Variants in PRKCH observed in about 807,000 individuals in gnomAD.
PRKCH encodes the protein protein kinase C eta.
A neutral mutation model predicts 82.5 loss-of-function variants in PRKCH; 28 were observed. The ratio of observed to expected loss-of-function variants is 0.34; its 90% CI spans 0.25 to 0.47. The LOEUF (loss-of-function observed/expected upper bound fraction) is 0.47, where lower values mean the gene tolerates loss of function less well. Among genes scored for constraint, PRKCH ranks in the 20% least tolerant of loss-of-function variants. PRKCH has a pLI of 1.00. For missense variants in PRKCH, 705 were observed against 881.8 expected, an observed-to-expected ratio of 0.80 and a Z score of 2.54; for synonymous variants, 322 against 327.4, an observed-to-expected ratio of 0.98 and a Z score of 0.18.
rs188394556 is a variant in PRKCH at position 61,262,101 on chromosome 14, A to G, written c.-19+74433A>G. Among the ~76,000 whole-genome samples the G allele has an allele frequency of 4.8e-3, 733 of 151,652 alleles. 3 individuals carry two copies. The highest frequency in any genetic ancestry group is 0.017 in the African/African-American group (696 of 41,330). ...CTGGGCGTAGTGGTGGGCACCTTTA[A>G]TCCCAGCTACTTGGGAGGCGGAGGC... On this transcript the variant is annotated intron_variant, in intron 1 of 3. Coordinates refer to the PRKCH transcript ENST00000555185.
intron 1 of PRKCH, among the ~76,000 whole-genome samples, chr14:61,252,560 TGA>T (rs1485086361): frequency 1.3e-5 from 2 of 152,198 alleles, no homozygotes; most frequent in African/African-American, 2.4e-5. Flanking sequence ...GATATCTGGC[TGA>T]GAGTGGCCTG....
At position 61,195,909 on chromosome 14, in the gene PRKCH, T is replaced by TG. The variant is rs2044438537; in HGVS notation, c.-19+8246dup. ...CTTAATTACTTCTGTAGAAGCACCC[T>TG]GGGGGTTAGGGCTTCGGCATATAAA... On this transcript the variant is annotated intron_variant, in intron 1 of 3. Transcript: ENST00000555185. 5.3e-5 allele frequency among the ~76,000 whole-genome samples: 8 copies of TG among 152,256 alleles called. No homozygotes were observed. The South Asian group carries it at 1.7e-3, about 32-fold the overall frequency.
At chr14:61,217,020 A>G (rs890159493) in intron 1 of PRKCH, among the ~76,000 whole-genome samples, 1 of 151,926 alleles carries the variant, frequency 6.6e-6, no homozygotes, top group Admixed American at 6.6e-5. Context: ...ATACATTTGT[A>G]AAAATTCATC....
At chr14:61,221,051 T>G (rs2044652250) in intron 1 of PRKCH, among the ~76,000 whole-genome samples, 1 of 152,146 alleles carries the variant, frequency 6.6e-6, no homozygotes, top group South Asian at 2.1e-4. Flanking sequence ...AGGTCATTTT[T>G]TAAAAAAATG....
chr14:61,218,015 A>T (rs1448907313), intron 1 of PRKCH, among the ~76,000 whole-genome samples: 4 of 152,164 alleles, frequency 2.6e-5, no homozygotes, highest in Admixed American at 1.3e-4. Context: ...GTTCATGGTC[A>T]GTAGACATGA....
Position 61,357,637 on chromosome 14 carries a change from G to T in PRKCH, c.364-33588G>T, listed in dbSNP as rs542489160. 4.6e-5 allele frequency among the ~76,000 whole-genome samples: 7 copies of T among 152,280 alleles called. No individual in the cohort carries two copies. In the East Asian group the frequency reaches 1.4e-3, roughly 29 times the overall value. ...ATGACTTACCTATTTGTCAACTCCA[G>T]TGGACACGCTATAGTCCTTATCTTT... is the stretch of plus-strand genomic sequence containing the variant. On this transcript the variant is annotated intron_variant, in intron 1 of 13. Transcript: ENST00000332981.
At chr14:61,436,207 G>A (rs941866559) in intron 2 of PRKCH, among the ~76,000 whole-genome samples, 3 of 152,164 alleles carry the variant, frequency 2.0e-5, no homozygotes, top group Non-Finnish European at 2.9e-5. Flanking sequence ...CTCAGCTTGC[G>A]TGGATGCTAT....
At chr14:61,540,293 C>T (rs760833131) in intron 12 of PRKCH, among the ~76,000 whole-genome samples, 2 of 152,202 alleles carry the variant, frequency 1.3e-5, no homozygotes, top group South Asian at 2.1e-4. Flanking sequence ...ACACAGAGTG[C>T]GTGAATTCTC....
intron 1 of PRKCH, among the ~76,000 whole-genome samples, chr14:61,191,295 A>G (rs2044405381): frequency 1.3e-5 from 2 of 152,218 alleles, no homozygotes; most frequent in Non-Finnish European, 2.9e-5. Flanking sequence ...TGTTAAGGTA[A>G]CCAGATTTTG....
chr14:61,335,604 A>G (rs920395574), intron 1 of PRKCH, among the ~76,000 whole-genome samples: 2 of 152,224 alleles, frequency 1.3e-5, no homozygotes, highest in African/African-American at 2.4e-5. Context: ...ATCTGCCAAA[A>G]CTAGATATAA....
At chr14:61,403,063 A>C (rs1881735039) in intron 2 of PRKCH, among the ~76,000 whole-genome samples, 1 of 152,076 alleles carries the variant, frequency 6.6e-6, no homozygotes, top group African/African-American at 2.4e-5. Flanking sequence ...TCAGACATTA[A>C]AGAGATTTGC....
Position 61,192,905 on chromosome 14 carries a change from A to C in PRKCH, c.-19+5237A>C, listed in dbSNP as rs543287482. Among the ~76,000 whole-genome samples the C allele has an allele frequency of 5.3e-5, 8 of 152,350 alleles. No homozygotes were observed. In the East Asian group the frequency reaches 1.5e-3, roughly 29 times the overall value. On this transcript the variant is annotated intron_variant, in intron 1 of 3. Coordinates refer to the PRKCH transcript ENST00000555185. ...TTCTGTGAACAGAGCAACCACTTCT[A>C]AACTGGGATGTGAAGAGTCTCTTTG...
chr14:61,535,833 A>G (rs2252351), intron 12 of PRKCH, among the ~76,000 whole-genome samples: 149,598 of 152,320 alleles, frequency 0.98, 73,511 homozygotes, highest in East Asian at 1. Context: ...TTGTGGGGAG[A>G]AACAGATGAA....
At chr14:61,471,974 C>G (rs1421029244) in intron 9 of PRKCH, among the ~76,000 whole-genome samples, 1 of 152,068 alleles carries the variant, frequency 6.6e-6, no homozygotes, top group Admixed American at 6.5e-5. Context: ...AAAATATAAG[C>G]GTTATTTTTT....
chr14:61,469,128 G>A (rs1397991417), intron 9 of PRKCH, among the ~76,000 whole-genome samples: 1 of 152,184 alleles, frequency 6.6e-6, no homozygotes, highest in Non-Finnish European at 1.5e-5. Flanking sequence ...CAGAGTTGGA[G>A]GTCTTGCTAT....
chr14:61,338,370 G>A (rs770133532), intron 1 of PRKCH, among the ~76,000 whole-genome samples: 6 of 151,946 alleles, frequency 3.9e-5, no homozygotes, highest in Non-Finnish European at 7.4e-5. Flanking sequence ...CTTTTTTTTG[G>A]TGTGTGTGAG....
At chr14:61,376,034 A>T (rs1364233958) in intron 1 of PRKCH, among the ~76,000 whole-genome samples, 1 of 151,188 alleles carries the variant, frequency 6.6e-6, no homozygotes, top group Admixed American at 6.6e-5. Flanking sequence ...AAAAAAAAAA[A>T]GCTCATAAAT....
chr14:61,252,729 A>G (rs2044957145), intron 1 of PRKCH, among the ~76,000 whole-genome samples: 1 of 152,264 alleles, frequency 6.6e-6, no homozygotes, highest in South Asian at 2.1e-4. Context: ...TCAAAATTTG[A>G]GAAGTTTAAA....
intron 9 of PRKCH, among the ~76,000 whole-genome samples, chr14:61,462,079 G>A (rs1885053431): frequency 6.6e-6 from 1 of 152,210 alleles, no homozygotes; most frequent in Non-Finnish European, 1.5e-5. Flanking sequence ...CCCTGCTTTA[G>A]GCTAAATGAT....
Sources: allele counts gnomAD v4.1 joint callset (sites outside exome capture counted in the v4.1 genomes callset), GRCh38; gene constraint gnomAD v4.1.1; transcripts MANE v1.5; gene names NCBI Gene and HGNC (gene_info 2026-07-23, HGNC 2026-07-21).